Variants in ANXA7 observed in about 807,000 individuals in gnomAD.
ANXA7 encodes the protein annexin VII.
ANXA7 carries 55 observed loss-of-function variants against 64.9 expected under a neutral mutation model. That is an observed-to-expected ratio of 0.85 (90% confidence interval 0.68 to 1.06). The LOEUF (loss-of-function observed/expected upper bound fraction) is 1.06. ANXA7 is among the 50% of genes least tolerant of loss of function. The pLI, the probability that ANXA7 is intolerant of heterozygous loss-of-function variation, is 0.00. For missense variants in ANXA7, 548 were observed against 582.1 expected, an observed-to-expected ratio of 0.94 and a Z score of 0.60; for synonymous variants, 200 against 192.4, an observed-to-expected ratio of 1.04 and a Z score of -0.33.
intron 12 of ANXA7, chr10:73,377,582 A>C (rs1452943346): frequency 2.0e-5 from 3 of 150,132 alleles, no homozygotes; most frequent in Non-Finnish European, 4.4e-5. Context: ...AAAAAAAAAA[A>C]AAAAAAAAAA....
At chr10:73,377,918 T>A (rs2055209122) in intron 12 of ANXA7, among the ~76,000 whole-genome samples, 1 of 150,192 alleles carries the variant, frequency 6.7e-6, no homozygotes, top group South Asian at 2.1e-4. Flanking sequence ...TGTGTGTGTG[T>A]GTGTGTGTGT....
Position 73,397,185 on chromosome 10 carries a change from G to C in ANXA7, c.349C>G (p.Pro117Ala), listed in dbSNP as rs762599990. Residue 117 changes from proline to alanine, a missense_variant, in exon 4 of 13, where the codon CCA (proline) becomes GCA (alanine). Transcript: ENST00000372921. ...CTACCAGGTAGTGGAACCTGTGCTG[G>C]ACCACCTCCATAAGACTGTGAAGGT... ...QPPSQSYGGG[P>A]AQVPLPGGFP... 1 of 1,608,220 alleles carries C rather than the reference G, an allele frequency of 6.2e-7. No homozygotes were observed. The highest frequency in any genetic ancestry group is 8.5e-7 in the Non-Finnish European group (1 of 1,176,672).
At chr10:73,387,846 CT>C (rs775570274) in intron 6 of ANXA7, 63 bp from the exon 7 acceptor site, 95,681 of 541,848 alleles carry the variant, frequency 0.18, 289 homozygotes, top group East Asian at 0.23. Context: ...TTGAGGTCAT[CT>C]TTTTTTTTTT....
intron 2 of ANXA7, among the ~76,000 whole-genome samples, chr10:73,399,496 G>A (rs950032946): frequency 2.0e-5 from 3 of 152,100 alleles, no homozygotes; most frequent in Non-Finnish European, 4.4e-5. Flanking sequence ...ATTCTCCCAG[G>A]GTTAGATAGC....
At position 73,378,918 on chromosome 10, in the gene ANXA7, C is replaced by T. The variant is rs1479124960; in HGVS notation, c.1271G>A (p.Arg424Gln). Residue 424 changes from arginine (R) to glutamine (Q), a missense_variant, in exon 12 of 13, where the codon CGA becomes CAA. Coordinates refer to ENST00000372921, the MANE Select transcript of ANXA7 (RefSeq NM_001156.5). ...GAGAGAGGCCTGCCTCACCTCACTT[C>T]GAGTGACCACAATCCGGACCAGGGT... Reference protein sequence around the residue: ...DSTLVRIVVTRSEIDLVQIKQ... With the variant: ...DSTLVRIVVTQSEIDLVQIKQ... 4 of 1,612,386 alleles carry T rather than the reference C, an allele frequency of 2.5e-6. No individual in the cohort carries two copies. The highest frequency in any genetic ancestry group is 3.4e-6 in the Non-Finnish European group (4 of 1,178,810).
At position 73,388,355 on chromosome 10, in the gene ANXA7, A is replaced by G; in HGVS notation, c.495T>C (p.Ala165=). 1 of 1,614,120 alleles carries G rather than the reference A, an allele frequency of 6.2e-7. No homozygotes were observed. Among genetic ancestry groups the G allele is most frequent in the Non-Finnish European group, 8.5e-7 (1 of 1,179,970 alleles). The change falls in exon 6 of 13, where the codon GCT becomes GCC. Residue 165 remains alanine, a synonymous_variant. Transcript: ENST00000372921. The part of the protein sequence containing the change: ...GTIRPAANFD[A]IRDAEILRKA... ...TACGAAGAATTTCTGCATCTCTTAT[A>G]GCATCGAAGTTGGCAGCTGGTCGGA...
intron 1 of ANXA7, among the ~76,000 whole-genome samples, chr10:73,409,046 G>A (rs927580683): frequency 3.3e-5 from 5 of 152,130 alleles, no homozygotes; most frequent in African/African-American, 2.4e-5. Flanking sequence ...CATATATGAC[G>A]ACAAAGCCAA....
intron 5 of ANXA7, chr10:73,396,130 T>C (rs1007137162): frequency 6.6e-7 from 1 of 1,513,578 alleles, no homozygotes; most frequent in Admixed American, 1.7e-5. Context: ...AGTGAAAAGT[T>C]ATAAAGGTAA....
chr10:73,407,499 C>T (rs2055776038), intron 1 of ANXA7, among the ~76,000 whole-genome samples: 1 of 152,168 alleles, frequency 6.6e-6, no homozygotes, highest in Non-Finnish European at 1.5e-5. Context: ...ATGGATTCTG[C>T]AGGTCTGTGA....
intron 7 of ANXA7, among the ~76,000 whole-genome samples, chr10:73,384,589 A>G (rs896680445): frequency 2.0e-5 from 3 of 151,996 alleles, no homozygotes; most frequent in Admixed American, 6.6e-5. Context: ...TTTAGTAGAG[A>G]TGGGGTTTCA....
chr10:73,385,285 C>T (rs1200266821), intron 7 of ANXA7, among the ~76,000 whole-genome samples: 1 of 152,096 alleles, frequency 6.6e-6, no homozygotes, highest in Non-Finnish European at 1.5e-5. Flanking sequence ...GAAAATGGCA[C>T]TGATGTAGCA....
At chr10:73,410,321 G>T (rs2055819332) in intron 1 of ANXA7, among the ~76,000 whole-genome samples, 1 of 151,850 alleles carries the variant, frequency 6.6e-6, no homozygotes, top group African/African-American at 2.4e-5. Flanking sequence ...AAAAACAATT[G>T]CATTAAAAAC....
intron 1 of ANXA7, among the ~76,000 whole-genome samples, chr10:73,403,224 AT>A (rs1160093484): frequency 6.6e-6 from 1 of 152,214 alleles, no homozygotes; most frequent in African/African-American, 2.4e-5. Context: ...ACAGCGGCTC[AT>A]GCCTGTAAAT....
chr10:73,397,780 C>T (rs2055599906), intron 3 of ANXA7, among the ~76,000 whole-genome samples: 1 of 152,126 alleles, frequency 6.6e-6, no homozygotes, highest in Non-Finnish European at 1.5e-5. Flanking sequence ...TATTACTCTT[C>T]CCTACTAACT....
chr10:73,401,303 A>G (rs902533624), intron 1 of ANXA7, among the ~76,000 whole-genome samples: 1 of 152,060 alleles, frequency 6.6e-6, no homozygotes, highest in African/African-American at 2.4e-5. Flanking sequence ...TATGCAAAAT[A>G]TTTCTCTTTT....
At chr10:73,403,681 A>G (rs1256598962) in intron 1 of ANXA7, among the ~76,000 whole-genome samples, 1 of 152,192 alleles carries the variant, frequency 6.6e-6, no homozygotes, top group East Asian at 1.9e-4. Context: ...ATTCCTAGAA[A>G]TGGCATTGCT....
chr10:73,399,602 C>T (rs1200489595), intron 2 of ANXA7, among the ~76,000 whole-genome samples: 1 of 152,008 alleles, frequency 6.6e-6, no homozygotes, highest in Non-Finnish European at 1.5e-5. Flanking sequence ...GTGGGCGGAT[C>T]ACGAGGTCAG....
chr10:73,409,404 C>T, intron 1 of ANXA7, among the ~76,000 whole-genome samples: 1 of 152,084 alleles, frequency 6.6e-6, no homozygotes, highest in East Asian at 1.9e-4. Context: ...GAGCTCAATC[C>T]CTTTTATAAT....
At chr10:73,393,632 G>A (rs1344446627) in intron 5 of ANXA7, among the ~76,000 whole-genome samples, 2 of 152,068 alleles carry the variant, frequency 1.3e-5, no homozygotes, top group South Asian at 2.1e-4. Flanking sequence ...TTAATAAATG[G>A]TGCTGGGAAA....
Sources: allele counts gnomAD v4.1 joint callset (sites outside exome capture counted in the v4.1 genomes callset), GRCh38; gene constraint gnomAD v4.1.1; transcripts MANE v1.5; gene names NCBI Gene and HGNC (gene_info 2026-07-23, HGNC 2026-07-21).